PLCXD3: variants seen among roughly 807,000 people sequenced by gnomAD.
The protein encoded by PLCXD3 is phosphatidylinositol specific phospholipase C X domain containing 3, also known as PI-PLC X domain-containing protein 3.
A neutral mutation model predicts 25.5 loss-of-function variants in PLCXD3; 19 were observed. The observed-to-expected ratio is 0.75, with a 90% CI of 0.52 to 1.09. The LOEUF is 1.09. Ranked by LOEUF, PLCXD3 falls within the 50% of genes least tolerant of loss-of-function variation. The pLI is 0.00. For synonymous variants in PLCXD3, 174 were observed against 137.6 expected (o/e 1.26, Z -1.85); for missense variants, 411 against 388.1 (o/e 1.06, Z -0.50).
At chr5:41,459,936 A>G (rs1478452017) in intron 1 of PLCXD3, among the ~76,000 whole-genome samples, 1 of 151,970 alleles carries the variant, frequency 6.6e-6, no homozygotes, top group African/African-American at 2.4e-5. Context: ...TATTAGATAA[A>G]GATAAATCCT....
At chr5:41,487,434 G>T (rs542836942) in intron 1 of PLCXD3, among the ~76,000 whole-genome samples, 1 of 152,136 alleles carries the variant, frequency 6.6e-6, no homozygotes, top group Non-Finnish European at 1.5e-5. Context: ...TTTGTCATTT[G>T]ATAGGCAACA....
chr5:41,462,507 C>T (rs1177529373), intron 1 of PLCXD3, among the ~76,000 whole-genome samples: 1 of 151,948 alleles, frequency 6.6e-6, no homozygotes, highest in Non-Finnish European at 1.5e-5. Context: ...ATTACCTCAT[C>T]TAAAGTGAGT....
At chr5:41,350,321 T>C (rs1744421695) in intron 2 of PLCXD3, among the ~76,000 whole-genome samples, 1 of 152,212 alleles carries the variant, frequency 6.6e-6, no homozygotes. Context: ...TCCCACTACC[T>C]GACCCCATGT....
At chr5:41,425,697 G>A (rs181842335) in intron 1 of PLCXD3, among the ~76,000 whole-genome samples, 163 of 152,130 alleles carry the variant, frequency 1.1e-3, no homozygotes, top group East Asian at 1.7e-3. Flanking sequence ...TAATTTTGTC[G>A]TTTTTAGAAT....
intron 1 of PLCXD3, among the ~76,000 whole-genome samples, chr5:41,438,413 C>G (rs541009807): frequency 1.1e-4 from 17 of 152,266 alleles, no homozygotes; most frequent in Admixed American, 9.8e-4. Context: ...GAAGCCTGCC[C>G]TTTCCCCGAC....
At chr5:41,428,269 A>G (rs1418160974) in intron 1 of PLCXD3, among the ~76,000 whole-genome samples, 1 of 151,732 alleles carries the variant, frequency 6.6e-6, no homozygotes, top group Non-Finnish European at 1.5e-5. Flanking sequence ...ATCCCTTGGT[A>G]TTTATTATGT....
At chr5:41,505,643 A>G (rs1749038780) in intron 1 of PLCXD3, among the ~76,000 whole-genome samples, 1 of 152,272 alleles carries the variant, frequency 6.6e-6, no homozygotes, top group South Asian at 2.1e-4. Context: ...AGAGATCACT[A>G]GCATTACCAG....
intron 2 of PLCXD3, among the ~76,000 whole-genome samples, chr5:41,325,803 GTAGTA>G (rs1467224763): frequency 6.6e-6 from 1 of 152,150 alleles, no homozygotes; most frequent in Non-Finnish European, 1.5e-5. Context: ...CATAACCTGG[GTAGTA>G]TATAAACAAC....
intron 1 of PLCXD3, among the ~76,000 whole-genome samples, chr5:41,422,359 A>T (rs946986517): frequency 6.6e-6 from 1 of 152,192 alleles, no homozygotes; most frequent in African/African-American, 2.4e-5. Context: ...ACCAGGGTTT[A>T]ATCTTACCTT....
chr5:41,418,448 G>A (rs1451494123), intron 1 of PLCXD3, among the ~76,000 whole-genome samples: 1 of 152,116 alleles, frequency 6.6e-6, no homozygotes, highest in Non-Finnish European at 1.5e-5. Flanking sequence ...TGAAAGCAGA[G>A]GGATAAGAAG....
chr5:41,451,479 C>T (rs545788822), intron 1 of PLCXD3, among the ~76,000 whole-genome samples: 1 of 152,088 alleles, frequency 6.6e-6, no homozygotes, highest in African/African-American at 2.4e-5. Flanking sequence ...AGGCAACACT[C>T]TAGCAGAAAA....
At chr5:41,323,622 T>C (rs894012080) in intron 2 of PLCXD3, among the ~76,000 whole-genome samples, 1 of 152,142 alleles carries the variant, frequency 6.6e-6, no homozygotes, top group African/African-American at 2.4e-5. Context: ...AGACAAGTGA[T>C]GGGAGAGAGC....
At chr5:41,449,673 A>C (rs1747582933) in intron 1 of PLCXD3, among the ~76,000 whole-genome samples, 1 of 152,128 alleles carries the variant, frequency 6.6e-6, no homozygotes, top group African/African-American at 2.4e-5. Flanking sequence ...CCTACTGGGA[A>C]TACCTAGGAC....
chr5:41,324,853 G>A (rs1009461466), intron 2 of PLCXD3, among the ~76,000 whole-genome samples: 2 of 152,196 alleles, frequency 1.3e-5, no homozygotes, highest in Admixed American at 6.5e-5. Context: ...TGAGAGGTGA[G>A]AGGCGGAGTA....
At chr5:41,491,534 T>C (rs1004100973) in intron 1 of PLCXD3, among the ~76,000 whole-genome samples, 2 of 152,140 alleles carry the variant, frequency 1.3e-5, no homozygotes, top group Non-Finnish European at 2.9e-5. Context: ...GACAGTGGGG[T>C]GTTAAAGTCT....
intron 2 of PLCXD3, among the ~76,000 whole-genome samples, chr5:41,373,082 T>C (rs1377587199): frequency 6.6e-6 from 1 of 152,034 alleles, no homozygotes; most frequent in Non-Finnish European, 1.5e-5. Flanking sequence ...TTTTTGGCCA[T>C]GATGGGATGT....
At chr5:41,358,178 T>C (rs1473936931) in intron 2 of PLCXD3, among the ~76,000 whole-genome samples, 1 of 152,178 alleles carries the variant, frequency 6.6e-6, no homozygotes, top group Non-Finnish European at 1.5e-5. Flanking sequence ...TTATTTTAAT[T>C]TTACAGAGGA....
intron 1 of PLCXD3, among the ~76,000 whole-genome samples, chr5:41,488,281 G>A (rs1748567150): frequency 7.1e-6 from 1 of 140,488 alleles, no homozygotes; most frequent in African/African-American, 2.7e-5. Context: ...TGGCTGCATA[G>A]TATTCCATGG....
intron 1 of PLCXD3, among the ~76,000 whole-genome samples, chr5:41,468,901 C>A (rs1037766800): frequency 1.3e-5 from 2 of 152,132 alleles, no homozygotes; most frequent in African/African-American, 4.8e-5. Flanking sequence ...CTGGCTAGGA[C>A]TTCCAGTACT....
Sources: allele counts gnomAD v4.1 joint callset (sites outside exome capture counted in the v4.1 genomes callset), GRCh38; gene constraint gnomAD v4.1.1; transcripts MANE v1.5; gene names NCBI Gene and HGNC (gene_info 2026-07-23, HGNC 2026-07-21).